Variants in ENOX2 observed in about 807,000 individuals in gnomAD.
ENOX2 encodes ecto-NOX disulfide-thiol exchanger 2, also known as APK1 antigen.
Under a neutral mutation model 45.0 loss-of-function variants are expected in ENOX2, and 36 were observed. The ratio of observed to expected loss-of-function variants is 0.80; its 90% CI spans 0.61 to 1.06. ENOX2 has a LOEUF of 1.06. Ranked by LOEUF, ENOX2 falls within the 50% of genes least tolerant of loss-of-function variation. The pLI is 0.00. For synonymous variants in ENOX2, 174 were observed against 152.3 expected, an observed-to-expected ratio of 1.14 and a Z score of -1.05; for missense variants, 423 against 462.5, an observed-to-expected ratio of 0.91 and a Z score of 0.78.
chrX:130,784,974 A>C (rs1230188277), intron 2 of ENOX2, among the ~76,000 whole-genome samples: 1 of 110,534 alleles, frequency 9.0e-6, no homozygotes, highest in African/African-American at 3.3e-5. Flanking sequence ...AGTTAAAAAA[A>C]AAAAAACCTT....
intron 12 of ENOX2, among the ~76,000 whole-genome samples, chrX:130,633,373 G>A (rs1267718744): frequency 8.9e-6 from 1 of 112,374 alleles, no homozygotes; most frequent in African/African-American, 3.2e-5. Context: ...TGAAATATTT[G>A]GTCACAAATC....
At chrX:130,651,858 C>T (rs1473063135) in intron 10 of ENOX2, among the ~76,000 whole-genome samples, 3 of 111,761 alleles carry the variant, frequency 2.7e-5, no homozygotes, top group Admixed American at 1.9e-4. Flanking sequence ...CTAAAGTAAA[C>T]GCTACTTGAA....
At chrX:130,702,773 G>A (rs2037933443) in intron 4 of ENOX2, among the ~76,000 whole-genome samples, 1 of 111,696 alleles carries the variant, frequency 9.0e-6, no homozygotes, top group Admixed American at 9.5e-5. Context: ...ATCTAAGTCA[G>A]TTCTCTTCCT....
At chrX:130,670,533 C>A (rs1050247084) in intron 6 of ENOX2, among the ~76,000 whole-genome samples, 1 of 110,803 alleles carries the variant, frequency 9.0e-6, no homozygotes, top group East Asian at 2.8e-4. Context: ...TAGTATCAAG[C>A]ATGATCGTTA....
intron 2 of ENOX2, among the ~76,000 whole-genome samples, chrX:130,813,596 A>G (rs1385974739): frequency 9.0e-6 from 1 of 111,689 alleles, no homozygotes; most frequent in Non-Finnish European, 1.9e-5. Context: ...ACAGCCCAAG[A>G]AAGGTGGGCT....
rs1047349734 is a variant in ENOX2, at chrX:130,753,685, G to T, written c.-39+29862C>A. Among the ~76,000 whole-genome samples the T allele has an allele frequency of 3.6e-5, 4 of 112,057 alleles. No homozygotes were observed. The Admixed American group carries it at 3.8e-4, about 11-fold the overall frequency. On this transcript the variant is annotated intron_variant, in intron 3 of 14. Coordinates refer to ENST00000394363, the MANE Select transcript of ENOX2 (RefSeq NM_006375.4). ...TGATCCATTTTGCTGCCAAAGACAT[G>T]ATTCCATTCTTTTTTATGGCTGAAT...
intron 2 of ENOX2, among the ~76,000 whole-genome samples, chrX:130,880,624 C>A (rs2078793059): frequency 8.9e-6 from 1 of 111,946 alleles, no homozygotes; most frequent in African/African-American, 3.2e-5. Context: ...TCATGAGTGG[C>A]TAAGGGGTTG....
intron 6 of ENOX2, among the ~76,000 whole-genome samples, chrX:130,676,615 T>C (rs2037158152): frequency 9.0e-6 from 1 of 111,578 alleles, no homozygotes; most frequent in Admixed American, 9.5e-5. Flanking sequence ...CTTTATGTTC[T>C]TATTAAAATA....
At chrX:130,797,336 C>T (rs1461333511) in intron 2 of ENOX2, among the ~76,000 whole-genome samples, 1 of 111,886 alleles carries the variant, frequency 8.9e-6, no homozygotes, top group Non-Finnish European at 1.9e-5. Flanking sequence ...AAAACACTCT[C>T]TCAATCCAAT....
At chrX:130,694,995 C>A (rs938114508) in intron 4 of ENOX2, among the ~76,000 whole-genome samples, 3 of 111,709 alleles carry the variant, frequency 2.7e-5, no homozygotes, top group African/African-American at 9.8e-5. Flanking sequence ...ATAATATTCC[C>A]TATTTTACAG....
intron 2 of ENOX2, among the ~76,000 whole-genome samples, chrX:130,815,961 T>C (rs1486401414): frequency 1.8e-5 from 2 of 111,177 alleles, no homozygotes; most frequent in Non-Finnish European, 3.8e-5. Context: ...GCAAATTGGA[T>C]AGAGTCAAGA....
intron 3 of ENOX2, among the ~76,000 whole-genome samples, chrX:130,752,521 T>C (rs1344178151): frequency 9.0e-6 from 1 of 110,758 alleles, no homozygotes; most frequent in African/African-American, 3.3e-5. Flanking sequence ...CTTGTCTCAG[T>C]GTGTCTCTCA....
chrX:130,725,470 T>C (rs770317140), intron 3 of ENOX2, among the ~76,000 whole-genome samples: 31 of 108,775 alleles, frequency 2.8e-4, no homozygotes, highest in Non-Finnish European at 5.7e-4. Flanking sequence ...TTGTGCCCTT[T>C]AACAATCATT....
At chrX:130,720,833 C>T (rs1603324574) in intron 3 of ENOX2, among the ~76,000 whole-genome samples, 1 of 111,136 alleles carries the variant, frequency 9.0e-6, no homozygotes, top group South Asian at 3.8e-4. Context: ...AATTCACACA[C>T]AAAATAAAGA....
chrX:130,765,086 AT>A (rs1266828349), intron 3 of ENOX2, among the ~76,000 whole-genome samples: 1 of 111,466 alleles, frequency 9.0e-6, no homozygotes, highest in Non-Finnish European at 1.9e-5. Flanking sequence ...TATTAAAAGC[AT>A]TGGGCTACAT....
intron 10 of ENOX2, among the ~76,000 whole-genome samples, chrX:130,655,512 G>A (rs754198216): frequency 3.6e-5 from 4 of 110,945 alleles, no homozygotes; most frequent in Admixed American, 9.5e-5. Context: ...GCACACACAC[G>A]TACACACACA....
At chrX:130,878,692 T>C (rs1388227996) in intron 2 of ENOX2, among the ~76,000 whole-genome samples, 1 of 111,966 alleles carries the variant, frequency 8.9e-6, no homozygotes, top group Non-Finnish European at 1.9e-5. Context: ...ATAGTCTTAC[T>C]ACCAATTAAA....
chrX:130,864,184 G>A (rs1452748569), intron 2 of ENOX2, among the ~76,000 whole-genome samples: 1 of 110,341 alleles, frequency 9.1e-6, no homozygotes. Flanking sequence ...TAATATATAT[G>A]GGATATCATT....
chrX:130,633,245 A>C (rs2035832346), intron 12 of ENOX2, among the ~76,000 whole-genome samples: 1 of 111,643 alleles, frequency 9.0e-6, no homozygotes, highest in Admixed American at 9.5e-5. Flanking sequence ...AACCCAAACA[A>C]AAGCAAATAA....
Sources: gnomAD v4.1 joint callset for allele counts (sites outside exome capture counted in the v4.1 genomes callset) on GRCh38, gnomAD v4.1.1 for gene constraint, MANE v1.5 for transcripts, NCBI Gene and HGNC (gene_info 2026-07-23, HGNC 2026-07-21) for gene names.